Variants in IL16 observed in about 807,000 individuals in gnomAD.
IL16 encodes interleukin 16.
A neutral mutation model predicts 110.1 loss-of-function variants in IL16; 67 were observed. The observed-to-expected ratio is 0.61, with a 90% CI of 0.50 to 0.75. The LOEUF is 0.75. Among genes scored for constraint, IL16 ranks in the 30% least tolerant of loss-of-function variants. The pLI is 0.00. For missense variants in IL16, 1,545 were observed against 1,655.0 expected (o/e 0.93, Z 1.15); for synonymous variants, 689 against 662.9 (o/e 1.04, Z -0.61).
intron 6 of IL16, among the ~76,000 whole-genome samples, chr15:81,275,498 T>A (rs1407435176): frequency 6.6e-6 from 1 of 150,712 alleles, no homozygotes; most frequent in Non-Finnish European, 1.5e-5. Context: ...GAATTGGGAG[T>A]GTGCCATCAT....
intron 6 of IL16, among the ~76,000 whole-genome samples, chr15:81,278,080 T>G (rs920717818): frequency 6.6e-6 from 1 of 152,082 alleles, no homozygotes; most frequent in Non-Finnish European, 1.5e-5. Flanking sequence ...TTTTACCATA[T>G]GACTTCGGAC....
At chr15:81,247,278 T>C (rs1897598010) in intron 2 of IL16, among the ~76,000 whole-genome samples, 5 of 152,102 alleles carry the variant, frequency 3.3e-5, no homozygotes, top group Admixed American at 3.3e-4. Context: ...TTTCTTCCTT[T>C]TTAATATAAG....
chr15:81,293,476 G>A (rs974841060), intron 12 of IL16, among the ~76,000 whole-genome samples: 2 of 152,212 alleles, frequency 1.3e-5, no homozygotes, highest in Admixed American at 6.5e-5. Context: ...GCTGAGCCGG[G>A]TGGATCATGA....
intron 18 of IL16, 53 bp downstream of exon 18, chr15:81,306,598 A>G (rs1203862099): frequency 6.2e-7 from 1 of 1,603,724 alleles, no homozygotes; most frequent in South Asian, 1.1e-5. Context: ...GCATGTGGCC[A>G]GGCCCCCAAA....
intron 12 of IL16, among the ~76,000 whole-genome samples, chr15:81,296,001 C>G (rs1466359349): frequency 6.6e-6 from 1 of 152,208 alleles, no homozygotes; most frequent in Non-Finnish European, 1.5e-5. Context: ...TGCAGACAAT[C>G]AAATACAGGT....
rs1420157088 is a variant in IL16 at position 81,272,459 on chromosome 15, T to C, written c.676-631T>C. On this transcript the variant is annotated intron_variant, in intron 5 of 18. Transcript: ENST00000683961. ...TATCTGCTGAGCTATGAGTTTATTC[T>C]CCCAGAGCCACCTGTACAATTCCAG... Among the ~76,000 whole-genome samples, 3 of 152,164 alleles carry C rather than the reference T, an allele frequency of 2.0e-5. No individual in the cohort carries two copies. The East Asian group carries it at 5.8e-4, about 29-fold the overall frequency.
At position 81,299,820 on chromosome 15, in the gene IL16, G is replaced by GCCT. The variant is rs562825970; in HGVS notation, c.2512_2514dup (p.Ser838dup). 5.1e-5 allele frequency: 82 copies of GCCT among 1,613,350 alleles called. No homozygotes were observed. Among genetic ancestry groups the GCCT allele is most frequent in the African/African-American group, 1.6e-4 (12 of 74,958 alleles). On this transcript the variant is annotated inframe_insertion, in exon 14 of 19. Coordinates refer to ENST00000683961, the MANE Select transcript of IL16 (RefSeq NM_172217.5). Reference sequence around the variant, plus strand: ...GGAGCACCTAGGATCACACATCCGGGCCTCCTCCTCCTCCTCCTCCATCAG... The same window carrying GCCT: ...GGAGCACCTAGGATCACACATCCGGGCCTCCTCCTCCTCCTCCTCCTCCATCAG...
intron 1 of IL16, among the ~76,000 whole-genome samples, chr15:81,216,731 A>G (rs1385578572): frequency 1.3e-5 from 2 of 152,142 alleles, no homozygotes; most frequent in East Asian, 3.9e-4. Context: ...AGGACCTCCT[A>G]TGAGAAGAAC....
intron 1 of IL16, among the ~76,000 whole-genome samples, chr15:81,183,403 C>G (rs1009119802): frequency 5.3e-5 from 8 of 152,208 alleles, no homozygotes; most frequent in African/African-American, 1.9e-4. Context: ...GGAGGGGCCT[C>G]CATCCAGATC....
intron 2 of IL16, among the ~76,000 whole-genome samples, chr15:81,228,547 C>T (rs2202885): frequency 0.53 from 80,839 of 151,738 alleles, 24,932 homozygotes; most frequent in Non-Finnish European, 0.7. Flanking sequence ...TGGTTTCAAA[C>T]TCCTGACCTC....
chr15:81,213,583 A>T (rs929272864), intron 1 of IL16, among the ~76,000 whole-genome samples: 2 of 152,192 alleles, frequency 1.3e-5, no homozygotes, highest in Non-Finnish European at 2.9e-5. Context: ...TGTTGGGTGC[A>T]GTATATATTT....
chr15:81,182,915 C>T (rs1232509735), intron 1 of IL16: 2 of 1,285,894 alleles, frequency 1.6e-6, no homozygotes, highest in African/African-American at 1.5e-5. Flanking sequence ...AGCTCCTTCT[C>T]CTATCCCAGG....
chr15:81,279,862 G>A (rs1899093430), intron 8 of IL16, 88 bp downstream of exon 8: 1 of 1,122,468 alleles, frequency 8.9e-7, no homozygotes, highest in Admixed American at 2.0e-5. Flanking sequence ...TCAGTCCAGA[G>A]GTAGGGCAGG....
Position 81,292,679 on chromosome 15 carries a change from G to T in IL16, c.1544G>T (p.Ser515Ile). Residue 515 changes from serine to isoleucine, a missense_variant, in exon 12 of 19, where the codon AGC (serine) becomes ATC (isoleucine). Coordinates refer to ENST00000683961, the MANE Select transcript of IL16 (RefSeq NM_172217.5). ...KVMIRSSSDS[S>I]YMSGSPGGSP... ...ATGATCCGCTCCAGCAGTGACAGCA[G>T]CTACATGTCTGGGTCCCCAGGGGGA... 1 of 1,614,204 alleles carries T rather than the reference G, an allele frequency of 6.2e-7. No homozygotes were observed. Among genetic ancestry groups the T allele is most frequent in the Non-Finnish European group, 8.5e-7 (1 of 1,180,032 alleles).
intron 1 of IL16, among the ~76,000 whole-genome samples, chr15:81,200,605 G>A (rs921074756): frequency 2.6e-5 from 4 of 152,102 alleles, no homozygotes; most frequent in Admixed American, 6.6e-5. Flanking sequence ...TCTTGAGCTC[G>A]AGTGATCTGC....
intron 1 of IL16, among the ~76,000 whole-genome samples, chr15:81,210,919 C>T (rs117122406): frequency 0.034 from 5,177 of 152,170 alleles, 254 homozygotes; most frequent in East Asian, 0.26. Flanking sequence ...TTGTCTTATT[C>T]CAATCCTCAA....
intron 12 of IL16, 163 bp from the exon 13 acceptor site, chr15:81,296,765 G>A (rs138409765): frequency 2.4e-5 from 15 of 637,492 alleles, no homozygotes; most frequent in African/African-American, 1.8e-4. Context: ...GCTCTGCCAC[G>A]TCAGCACCAA....
intron 9 of IL16, among the ~76,000 whole-genome samples, chr15:81,283,716 T>C (rs920439007): frequency 5.9e-5 from 9 of 152,260 alleles, no homozygotes; most frequent in Admixed American, 2.6e-4. Context: ...ATGACAAAAA[T>C]ATTAGTAAGT....
chr15:81,302,681 A>G (rs993471943), intron 15 of IL16, among the ~76,000 whole-genome samples: 2 of 152,214 alleles, frequency 1.3e-5, no homozygotes, highest in African/African-American at 4.8e-5. Context: ...CAGGTGCCCC[A>G]AGAACCTGTA....
Sources: gnomAD v4.1 joint callset for allele counts (sites outside exome capture counted in the v4.1 genomes callset) on GRCh38, gnomAD v4.1.1 for gene constraint, MANE v1.5 for transcripts, NCBI Gene and HGNC (gene_info 2026-07-23, HGNC 2026-07-21) for gene names.